The following ARHGAP29 variants were observed in gnomAD, a reference collection of about 807,000 sequenced individuals.
The protein encoded by ARHGAP29 is Rho GTPase activating protein 29.
Under a neutral mutation model 122.6 loss-of-function variants are expected in ARHGAP29, and 43 were observed. That is an observed-to-expected ratio of 0.35 (90% CI 0.27 to 0.45). The LOEUF is 0.45. Ranked by LOEUF, ARHGAP29 falls within the 20% of genes least tolerant of loss-of-function variation. The pLI, the probability that ARHGAP29 is intolerant of heterozygous loss-of-function variation, is 1.00. For synonymous variants in ARHGAP29, 506 were observed against 497.1 expected (o/e 1.02, Z -0.24); for missense variants, 1,303 against 1,477.2 (o/e 0.88, Z 1.93).
At chr1:94,237,677 CG>C, upstream of ARHGAP29, 1 of 985,424 alleles carries the variant, frequency 1.0e-6, no homozygotes, top group Non-Finnish European at 1.2e-6. Context: ...CCCGCGCTCC[CG>C]GGGGCGGGGC....
At chr1:94,185,229 A>G in intron 17 of ARHGAP29, 113 bp downstream of exon 17, 2 of 1,270,102 alleles carry the variant, frequency 1.6e-6, no homozygotes, top group East Asian at 2.6e-5. Context: ...GGTGTACTGT[A>G]GTACAATTTA....
chr1:94,177,432 C>T, intron 22 of ARHGAP29, 180 bp downstream of exon 22: 1 of 445,712 alleles, frequency 2.2e-6, no homozygotes, highest in East Asian at 3.5e-5. Flanking sequence ...TGAAGAATGA[C>T]ATTCATTTAA....
At chr1:94,183,174 T>C (rs1256283734) in intron 19 of ARHGAP29, among the ~76,000 whole-genome samples, 1 of 149,622 alleles carries the variant, frequency 6.7e-6, no homozygotes, top group Non-Finnish European at 1.5e-5. Flanking sequence ...TCTATAAATA[T>C]GTACAGTTAT....
intron 1 of ARHGAP29, among the ~76,000 whole-genome samples, chr1:94,262,800 G>T (rs1388155584): frequency 6.6e-6 from 1 of 152,194 alleles, no homozygotes; most frequent in African/African-American, 2.4e-5. Flanking sequence ...TACATTGTTG[G>T]TGGGAGTGTA....
At chr1:94,301,539 G>T in the ARHGAP29 span, among the ~76,000 whole-genome samples, 4 of 152,158 alleles carry the variant, frequency 2.6e-5, no homozygotes, top group African/African-American at 9.7e-5. Context: ...CACTGCAATG[G>T]GGAGGGAAGG....
At chr1:94,210,430 T>C (rs1269916608) in intron 3 of ARHGAP29, among the ~76,000 whole-genome samples, 2 of 152,210 alleles carry the variant, frequency 1.3e-5, no homozygotes. Context: ...GTGATTCTAA[T>C]ACACAACGAG....
chr1:94,247,599 G>A (rs1240229194), intron 1 of ARHGAP29, among the ~76,000 whole-genome samples: 3 of 151,496 alleles, frequency 2.0e-5, no homozygotes, highest in African/African-American at 7.3e-5. Context: ...GACGCGGACG[G>A]CCGCCCCACA....
upstream of ARHGAP29, among the ~76,000 whole-genome samples, chr1:94,241,022 T>A (rs1653552059): frequency 6.6e-6 from 1 of 152,102 alleles, no homozygotes; most frequent in South Asian, 2.1e-4. Context: ...TCTACTGACA[T>A]CTAGTGGGCA....
At chr1:94,211,506 A>C (rs753353942) in intron 3 of ARHGAP29, among the ~76,000 whole-genome samples, 1 of 152,116 alleles carries the variant, frequency 6.6e-6, no homozygotes, top group African/African-American at 2.4e-5. Context: ...TACCACCTTG[A>C]CAAGACATTT....
intron 1 of ARHGAP29, among the ~76,000 whole-genome samples, chr1:94,236,988 G>T (rs576245749): frequency 6.6e-6 from 1 of 152,306 alleles, no homozygotes; most frequent in African/African-American, 2.4e-5. Flanking sequence ...TAGTCTGTGT[G>T]CTTGGGCAGG....
At chr1:94,220,425 G>C in intron 2 of ARHGAP29, 33 bp from the exon 3 acceptor site, 2 of 1,523,908 alleles carry the variant, frequency 1.3e-6, no homozygotes, top group South Asian at 1.2e-5. Context: ...TTTATTTCCA[G>C]AGCAAAGTTC....
intron 1 of ARHGAP29, among the ~76,000 whole-genome samples, chr1:94,272,409 T>G (rs1655026328): frequency 6.6e-6 from 1 of 152,198 alleles, no homozygotes; most frequent in South Asian, 2.1e-4. Context: ...AAGGCTAGAC[T>G]GTGGTGACCA....
At position 94,177,941 on chromosome 1, in the gene ARHGAP29, C is replaced by T. The variant is rs769568575; in HGVS notation, c.2707G>A (p.Asp903Asn). Residue 903 changes from aspartate to asparagine, a missense_variant, in exon 21 of 23, where the codon GAT (aspartate) becomes AAT (asparagine). Asp to Asn is a conservative substitution (Grantham distance 23). Transcript: ENST00000260526. ...QDVMCSIGVV[D>N]QGCFPKPLLS... The stretch of plus-strand genomic sequence containing the variant: ...AGAGGCTTTGGAAAACAGCCTTGAT[C>T]AACAACACCTATGCTACACATAACA... 6.2e-6 allele frequency: 10 copies of T among 1,613,988 alleles called. No homozygotes were observed. Among genetic ancestry groups the T allele is most frequent in the Non-Finnish European group, 7.6e-6 (9 of 1,180,030 alleles).
chr1:94,185,114 G>A, intron 17 of ARHGAP29, 54 bp from the exon 18 acceptor site: 1 of 1,497,338 alleles, frequency 6.7e-7, no homozygotes, highest in Non-Finnish European at 9.0e-7. Flanking sequence ...TTCACAACTG[G>A]GCAAACTGCA....
chr1:94,189,883 G>T, intron 13 of ARHGAP29, 43 bp downstream of exon 13: 1 of 1,586,558 alleles, frequency 6.3e-7, no homozygotes, highest in Non-Finnish European at 8.6e-7. Context: ...ACAATTAAGT[G>T]TTTTATATTT....
chr1:94,245,793 A>T (rs1261044170), intron 1 of ARHGAP29, among the ~76,000 whole-genome samples: 3 of 152,212 alleles, frequency 2.0e-5, no homozygotes, highest in African/African-American at 7.2e-5. Context: ...TGAATGCTGA[A>T]TGAATAAGTG....
intron 2 of ARHGAP29, among the ~76,000 whole-genome samples, chr1:94,221,194 C>T (rs1557871636): frequency 6.6e-6 from 1 of 152,144 alleles, no homozygotes; most frequent in Non-Finnish European, 1.5e-5. Context: ...CACAGTCATG[C>T]TAGCACAACA....
At chr1:94,276,517 C>A (rs1051623581), upstream of ARHGAP29, among the ~76,000 whole-genome samples, 29 of 150,994 alleles carry the variant, frequency 1.9e-4, no homozygotes, top group African/African-American at 7.1e-4. Context: ...CTGTAATCAC[C>A]TGTCTGTAAT....
intron 2 of ARHGAP29, among the ~76,000 whole-genome samples, chr1:94,227,827 T>G (rs1391460105): frequency 1.3e-5 from 2 of 151,858 alleles, no homozygotes; most frequent in Admixed American, 1.3e-4. Flanking sequence ...TATATTAATC[T>G]ACAGTGTTAT....
Sources: gnomAD v4.1 joint callset for allele counts (sites outside exome capture counted in the v4.1 genomes callset) on GRCh38, gnomAD v4.1.1 for gene constraint, MANE v1.5 for transcripts, NCBI Gene and HGNC (gene_info 2026-07-23, HGNC 2026-07-21) for gene names.